The following PIP4P2 variants were observed in gnomAD, a reference collection of about 807,000 sequenced individuals.
PIP4P2 encodes the protein type 2 phosphatidylinositol 4,5-bisphosphate 4-phosphatase.
Under a neutral mutation model 33.3 loss-of-function variants are expected in PIP4P2, and 19 were observed. The ratio of observed to expected loss-of-function variants is 0.57; its 90% CI spans 0.40 to 0.84. The LOEUF is 0.84. Among genes scored for constraint, PIP4P2 ranks in the 40% least tolerant of loss-of-function variants. The pLI is 0.00. For missense variants in PIP4P2, 270 were observed against 324.7 expected (o/e 0.83, Z 1.29); for synonymous variants, 110 against 111.9 (o/e 0.98, Z 0.11).
chr8:91,010,850 T>C (rs1372027613), intron 4 of PIP4P2, among the ~76,000 whole-genome samples: 1 of 151,524 alleles, frequency 6.6e-6, no homozygotes, highest in African/African-American at 2.4e-5. Context: ...CAATCATTTT[T>C]AGTAGAGATC....
chr8:91,035,947 G>A (rs1812226739), intron 1 of PIP4P2, among the ~76,000 whole-genome samples: 1 of 151,948 alleles, frequency 6.6e-6, no homozygotes, highest in Non-Finnish European at 1.5e-5. Context: ...GAGAGGTCAA[G>A]ACTGCAGTGA....
At chr8:91,029,915 C>T (rs147406391) in intron 1 of PIP4P2, among the ~76,000 whole-genome samples, 3,624 of 152,052 alleles carry the variant, frequency 0.024, 70 homozygotes, top group Non-Finnish European at 0.034. Context: ...TGCAGTGAGC[C>T]GAGATCGTGC....
At chr8:91,039,247 C>T (rs1479668823) in intron 1 of PIP4P2, among the ~76,000 whole-genome samples, 1 of 152,112 alleles carries the variant, frequency 6.6e-6, no homozygotes, top group Non-Finnish European at 1.5e-5. Context: ...ATCAAATTGG[C>T]CCATTAGAGG....
chr8:91,004,836 G>A (rs1171834595), intron 5 of PIP4P2, among the ~76,000 whole-genome samples: 1 of 152,148 alleles, frequency 6.6e-6, no homozygotes. Flanking sequence ...CATTGGATGA[G>A]ACCTGGAGAG....
chr8:91,004,898 G>A (rs1290014528), intron 5 of PIP4P2, among the ~76,000 whole-genome samples: 5 of 152,156 alleles, frequency 3.3e-5, no homozygotes, highest in Non-Finnish European at 7.4e-5. Flanking sequence ...TCTGGAGATA[G>A]CTGTTTTGGG....
chr8:91,030,440 T>TA (rs1325334708), intron 1 of PIP4P2, among the ~76,000 whole-genome samples: 1 of 152,078 alleles, frequency 6.6e-6, no homozygotes, highest in Non-Finnish European at 1.5e-5. Flanking sequence ...GGACACAGCC[T>TA]AAAAAAATGG....
chr8:91,008,874 T>A (rs1042556827), intron 4 of PIP4P2, 79 bp from the exon 5 acceptor site: 20 of 1,275,934 alleles, frequency 1.6e-5, no homozygotes, highest in Non-Finnish European at 1.0e-5. Context: ...TCTTTTACTT[T>A]AAATGTCATC....
chr8:91,035,620 T>G (rs1414711534), intron 1 of PIP4P2, among the ~76,000 whole-genome samples: 2 of 152,234 alleles, frequency 1.3e-5, no homozygotes, highest in Non-Finnish European at 2.9e-5. Flanking sequence ...TGTCCAGGCT[T>G]TCTCCTTTTC....
At chr8:91,003,810 A>T (rs1250398705) in intron 5 of PIP4P2, among the ~76,000 whole-genome samples, 1 of 152,156 alleles carries the variant, frequency 6.6e-6, no homozygotes, top group African/African-American at 2.4e-5. Flanking sequence ...TTGGAAGAGA[A>T]AGTAAAGCCA....
rs184560528 is a variant in PIP4P2 at position 91,032,366 on chromosome 8, T to C, written c.106+8278A>G. 3.3e-5 allele frequency among the ~76,000 whole-genome samples: 5 copies of C among 152,128 alleles called. No individual in the cohort carries two copies. In the East Asian group the frequency reaches 9.6e-4, roughly 29 times the overall value. ...TGCACACCCCCATTACCACCAAAAA[T>C]TTTTCTAAAAAAGCATAGAAACCCT... On this transcript the variant is annotated intron_variant, in intron 1 of 6. Coordinates refer to ENST00000285419, the MANE Select transcript of PIP4P2 (RefSeq NM_018710.3).
intron 5 of PIP4P2, among the ~76,000 whole-genome samples, chr8:91,008,407 C>T (rs1475318325): frequency 2.6e-5 from 4 of 152,020 alleles, no homozygotes; most frequent in South Asian, 4.1e-4. Context: ...GAGTTTTCTC[C>T]TAGATTACAG....
chr8:91,027,778 T>C (rs961972927), intron 1 of PIP4P2, among the ~76,000 whole-genome samples: 1 of 152,186 alleles, frequency 6.6e-6, no homozygotes, highest in Non-Finnish European at 1.5e-5. Flanking sequence ...CCTAGAATAA[T>C]GCAGAAAACG....
intron 4 of PIP4P2, among the ~76,000 whole-genome samples, chr8:91,009,583 G>T (rs952661750): frequency 6.6e-6 from 1 of 151,538 alleles, no homozygotes; most frequent in Non-Finnish European, 1.5e-5. Flanking sequence ...TAAGTACTTT[G>T]GCAGTTTATC....
intron 1 of PIP4P2, among the ~76,000 whole-genome samples, chr8:91,037,450 C>T (rs187915116): frequency 1.6e-4 from 24 of 152,298 alleles, no homozygotes; most frequent in African/African-American, 3.6e-4. Context: ...AAGCCTTCCC[C>T]GACTCCCTCA....
At position 91,040,245 on chromosome 8, in the gene PIP4P2, G is replaced by T. The variant is rs78360940; in HGVS notation, c.106+399C>A. On this transcript the variant is annotated intron_variant, in intron 1 of 6. Coordinates refer to ENST00000285419, the MANE Select transcript of PIP4P2 (RefSeq NM_018710.3). The stretch of plus-strand genomic sequence containing the variant: ...CAATACTCCTGGTTTCTCAGCAACG[G>T]AAAAAGATTTGTGAATGATTGTGAA... 3.0e-3 allele frequency among the ~76,000 whole-genome samples: 464 copies of T among 152,278 alleles called. 3 individuals are homozygous for T. Among genetic ancestry groups the T allele is most frequent in the African/African-American group, 0.01 (436 of 41,546 alleles).
Position 90,998,913 on chromosome 8 carries a change from A to G in PIP4P2, c.540-2169T>C, listed in dbSNP as rs551326549. Reference sequence around the variant, plus strand: ...AAAAGAAACTGCAACAAAAGCAAAAATGAACAAATGATATCTAATTAAACT... The same window carrying G: ...AAAAGAAACTGCAACAAAAGCAAAAGTGAACAAATGATATCTAATTAAACT... On this transcript the variant is annotated intron_variant, in intron 5 of 6. Coordinates refer to ENST00000285419, the MANE Select transcript of PIP4P2 (RefSeq NM_018710.3). Among the ~76,000 whole-genome samples the G allele has an allele frequency of 5.3e-5, 8 of 152,274 alleles. No individual in the cohort carries two copies. The South Asian group carries it at 1.7e-3, about 32-fold the overall frequency.
intron 3 of PIP4P2, among the ~76,000 whole-genome samples, chr8:91,019,511 A>G (rs1811972922): frequency 6.7e-6 from 1 of 149,552 alleles, no homozygotes; most frequent in Non-Finnish European, 1.5e-5. Flanking sequence ...GGCAGAAGGT[A>G]GAGGTCACAG....
chr8:91,009,114 A>G (rs778798478), intron 4 of PIP4P2, among the ~76,000 whole-genome samples: 2 of 152,152 alleles, frequency 1.3e-5, no homozygotes, highest in Non-Finnish European at 2.9e-5. Context: ...GAATACAATC[A>G]TATTTCATAT....
At position 90,994,881 on chromosome 8, in the gene PIP4P2, C is replaced by T. The variant is rs1190823406; in HGVS notation, c.*796G>A. 1.3e-5 allele frequency: 2 copies of T among 152,012 alleles called. No individual in the cohort carries two copies. Among genetic ancestry groups the T allele is most frequent in the Non-Finnish European group, 2.9e-5 (2 of 67,926 alleles). The allele number at this position is 152,012 out of a possible 1,614,324, so 9.4% of individuals were successfully genotyped here. A position where few individuals can be genotyped will look rare whatever the true frequency, so the allele number is the denominator to read the frequency against. Reference sequence around the variant, plus strand: ...ATGTTATGTGAAATACTTCCTCAAGCCTCTATAAAGGAATACATAGAGCTG... The same window carrying T: ...ATGTTATGTGAAATACTTCCTCAAGTCTCTATAAAGGAATACATAGAGCTG... On this transcript the variant is annotated 3_prime_UTR_variant, in exon 7 of 7. Coordinates refer to ENST00000285419, the MANE Select transcript of PIP4P2 (RefSeq NM_018710.3).
Sources: allele counts gnomAD v4.1 joint callset (sites outside exome capture counted in the v4.1 genomes callset), GRCh38; gene constraint gnomAD v4.1.1; transcripts MANE v1.5; gene names NCBI Gene and HGNC (gene_info 2026-07-23, HGNC 2026-07-21).